The following ARHGEF12 variants were observed in gnomAD, a reference collection of about 807,000 sequenced individuals.
ARHGEF12 encodes Rho guanine nucleotide exchange factor 12.
ARHGEF12 carries 66 observed loss-of-function variants against 211.2 expected under a neutral mutation model. The observed-to-expected ratio is 0.31, with a 90% CI of 0.26 to 0.38. The LOEUF (loss-of-function observed/expected upper bound fraction) is 0.38. Among genes scored for constraint, ARHGEF12 ranks in the 10% least tolerant of loss-of-function variants. The probability of loss-of-function intolerance (pLI) is 1.00; values close to 1 mark genes in which losing one functional copy is unlikely to be tolerated. For synonymous variants in ARHGEF12, 592 were observed against 638.4 expected, an observed-to-expected ratio of 0.93 and a Z score of 1.09; for missense variants, 1,429 against 1,869.5, an observed-to-expected ratio of 0.76 and a Z score of 4.34.
chr11:120,355,997 T>G (rs1007575699), intron 1 of ARHGEF12, among the ~76,000 whole-genome samples: 15 of 152,160 alleles, frequency 9.9e-5, no homozygotes, highest in Non-Finnish European at 2.1e-4. Context: ...GACTTTGAGT[T>G]TATTATTTTA....
chr11:120,478,063 T>G, intron 36 of ARHGEF12, 93 bp from the exon 37 acceptor site: 2 of 528,522 alleles, frequency 3.8e-6, no homozygotes, highest in Non-Finnish European at 6.0e-6. Context: ...TTATGGATTG[T>G]TTTTTTTTTT....
At chr11:120,457,942 T>C in intron 24 of ARHGEF12, 138 bp from the exon 25 acceptor site, 1 of 1,181,094 alleles carries the variant, frequency 8.5e-7, no homozygotes, top group Non-Finnish European at 1.2e-6. Context: ...AAAACAGCCA[T>C]TTGTAGGAGA....
rs1447167273 is a variant in ARHGEF12 at position 120,467,277 on chromosome 11, A to G, written c.2823A>G (p.Pro941=). The G allele has an allele frequency of 6.2e-7, 1 of 1,612,930 alleles. No individual in the cohort carries two copies. The highest frequency in any genetic ancestry group is 8.5e-7 in the Non-Finnish European group (1 of 1,179,232). Residue 941 remains proline, a synonymous_variant, in exon 29 of 41, where the codon CCA becomes CCG. Transcript: ENST00000397843. ...PTQMQRLTKY[P]LLLDNIAKYT... ...AAATGCAAAGGCTTACTAAGTACCC[A>G]CTTCTGTTGGATAATATTGCCAAAT...
At chr11:120,421,161 G>T (rs1945173303) in intron 5 of ARHGEF12, among the ~76,000 whole-genome samples, 1 of 152,098 alleles carries the variant, frequency 6.6e-6, no homozygotes, top group Non-Finnish European at 1.5e-5. Context: ...TGATATTTTG[G>T]CAAAGACAGA....
Position 120,489,513 on chromosome 11 carries a change from T to A in ARHGEF12, c.*4436T>A, listed in dbSNP as rs1203132591. The A allele has an allele frequency of 4.5e-6, 1 of 221,648 alleles. No homozygotes were observed. The highest frequency in any genetic ancestry group is 5.7e-5 in the Admixed American group (1 of 17,396). The allele number at this position is 221,648 out of a possible 1,614,324, so 13.7% of individuals were successfully genotyped here. ...GTCCCCAGTGCTGGGCTTCTTCACA[T>A]ACCAACATTTCTGTGCTTTTACCAA... On this transcript the variant is annotated 3_prime_UTR_variant, in exon 41 of 41. Transcript: ENST00000397843.
At chr11:120,483,338 G>A (rs572064334) in intron 39 of ARHGEF12, among the ~76,000 whole-genome samples, 23 of 134,834 alleles carry the variant, frequency 1.7e-4, no homozygotes, top group Middle Eastern at 5.3e-3. Flanking sequence ...TCGGCTCACT[G>A]CAACCTCTGC....
intron 15 of ARHGEF12, among the ~76,000 whole-genome samples, 172 bp downstream of exon 15, chr11:120,442,374 G>A (rs1945895936): frequency 6.9e-6 from 1 of 145,000 alleles, no homozygotes; most frequent in African/African-American, 2.6e-5. Flanking sequence ...TTCTAAAGTA[G>A]TTTAGGCATA....
intron 4 of ARHGEF12, 83 bp from the exon 5 acceptor site, chr11:120,420,670 A>T: frequency 8.7e-7 from 1 of 1,154,092 alleles, no homozygotes; most frequent in East Asian, 2.6e-5. Context: ...GATGGAACAC[A>T]GTTTATTACT....
chr11:120,403,072 G>T (rs952102819), intron 1 of ARHGEF12, among the ~76,000 whole-genome samples: 1 of 152,148 alleles, frequency 6.6e-6, no homozygotes, highest in African/African-American at 2.4e-5. Context: ...ACATCGGGAA[G>T]GGCCACCTAG....
At chr11:120,413,645 G>A (rs182268424) in intron 4 of ARHGEF12, among the ~76,000 whole-genome samples, 2 of 152,256 alleles carry the variant, frequency 1.3e-5, no homozygotes, top group Admixed American at 1.3e-4. Flanking sequence ...GCAAGACTGT[G>A]CATTTAGAAT....
At chr11:120,418,385 T>C (rs1055204438) in intron 4 of ARHGEF12, among the ~76,000 whole-genome samples, 8 of 152,240 alleles carry the variant, frequency 5.3e-5, no homozygotes, top group Non-Finnish European at 7.3e-5. Flanking sequence ...ATGTTTGTTG[T>C]ATGAGTAGTC....
chr11:120,402,998 A>G (rs184923970), intron 1 of ARHGEF12, among the ~76,000 whole-genome samples: 76 of 152,324 alleles, frequency 5.0e-4, no homozygotes, highest in African/African-American at 1.8e-3. Context: ...ACTCTAGTAT[A>G]CATTATTTAT....
At chr11:120,337,318 C>T (rs1942380624) in intron 1 of ARHGEF12, 43 bp downstream of exon 1, 2 of 1,613,074 alleles carry the variant, frequency 1.2e-6, no homozygotes, top group South Asian at 1.1e-5. Flanking sequence ...CGGAATCGGG[C>T]CCGACCTAGC....
At chr11:120,429,591 A>G (rs1290965279) in intron 9 of ARHGEF12, 74 bp downstream of exon 9, 6 of 1,571,280 alleles carry the variant, frequency 3.8e-6, no homozygotes, top group Non-Finnish European at 4.4e-6. Flanking sequence ...GGTGTTTATC[A>G]GTCACAATCA....
intron 1 of ARHGEF12, among the ~76,000 whole-genome samples, chr11:120,351,773 A>G (rs1476989997): frequency 6.6e-6 from 1 of 151,948 alleles, no homozygotes; most frequent in Non-Finnish European, 1.5e-5. Flanking sequence ...GCCCGGCCGG[A>G]TGTTACATTT....
intron 27 of ARHGEF12, among the ~76,000 whole-genome samples, chr11:120,462,175 C>T (rs1368599555): frequency 6.6e-6 from 1 of 152,158 alleles, no homozygotes; most frequent in African/African-American, 2.4e-5. Context: ...ATATGTGACT[C>T]CTCACTTGAA....
chr11:120,386,636 A>G (rs1296985862), intron 1 of ARHGEF12, among the ~76,000 whole-genome samples: 1 of 152,164 alleles, frequency 6.6e-6, no homozygotes, highest in African/African-American at 2.4e-5. Context: ...AAACTCATGC[A>G]TATGATGTAC....
intron 1 of ARHGEF12, among the ~76,000 whole-genome samples, chr11:120,405,408 A>G (rs757769124): frequency 1.2e-4 from 18 of 151,912 alleles, no homozygotes; most frequent in Non-Finnish European, 1.9e-4. Context: ...AGAGAGAACC[A>G]GGAGGAAATG....
In ARHGEF12 at chr11:120,336,592, G is replaced by A. The variant is rs1015749326; in HGVS notation, c.-652G>A. Among the ~76,000 whole-genome samples, 3 of 152,224 alleles carry A rather than the reference G, an allele frequency of 2.0e-5. No individual in the cohort carries two copies. Among genetic ancestry groups the A allele is most frequent in the Admixed American group, 2.0e-4 (3 of 15,296 alleles). On this transcript the variant is annotated 5_prime_UTR_variant, in exon 1 of 41. Transcript: ENST00000397843. ...TCAAAGGGATGGGGAGCAGTCCGCGGCGCTGAGAGACCCGGGTCCCTGTCA... is the reference window on the plus strand; with the variant it reads ...TCAAAGGGATGGGGAGCAGTCCGCGACGCTGAGAGACCCGGGTCCCTGTCA...
Sources: gnomAD v4.1 joint callset for allele counts (sites outside exome capture counted in the v4.1 genomes callset) on GRCh38, gnomAD v4.1.1 for gene constraint, MANE v1.5 for transcripts, NCBI Gene and HGNC (gene_info 2026-07-23, HGNC 2026-07-21) for gene names.